Variants in AKT3 observed in about 807,000 individuals in gnomAD.
AKT3 encodes the protein AKT serine/threonine kinase 3, also known as RAC-gamma serine/threonine-protein kinase.
Under a neutral mutation model 65.3 loss-of-function variants are expected in AKT3, and 15 were observed. The observed-to-expected ratio is 0.23, with a 90% CI of 0.15 to 0.35. The LOEUF is 0.35. AKT3 is among the 10% of genes least tolerant of loss of function. AKT3 has a pLI of 1.00. For missense variants in AKT3, 243 were observed against 576.5 expected, an observed-to-expected ratio of 0.42 and a Z score of 5.92; for synonymous variants, 206 against 183.8, an observed-to-expected ratio of 1.12 and a Z score of -0.98.
intron 2 of AKT3, among the ~76,000 whole-genome samples, chr1:243,764,544 T>C (rs1450349181): frequency 6.6e-6 from 1 of 152,098 alleles, no homozygotes; most frequent in African/African-American, 2.4e-5. Flanking sequence ...CTAAAATTTA[T>C]TTCAGTTTCA....
chr1:243,534,917 A>C (rs1383823413), intron 12 of AKT3, among the ~76,000 whole-genome samples: 1 of 152,038 alleles, frequency 6.6e-6, no homozygotes, highest in African/African-American at 2.4e-5. Flanking sequence ...TTCAGGTTAC[A>C]AAACTAGAAA....
At chr1:243,700,357 C>G (rs1429238621) in intron 2 of AKT3, among the ~76,000 whole-genome samples, 1 of 152,120 alleles carries the variant, frequency 6.6e-6, no homozygotes, top group Non-Finnish European at 1.5e-5. Context: ...TGGACCTTTG[C>G]CACCTTTCTT....
chr1:243,686,809 G>A (rs1375570574), intron 3 of AKT3, among the ~76,000 whole-genome samples: 1 of 149,600 alleles, frequency 6.7e-6, no homozygotes, highest in East Asian at 2.0e-4. Context: ...GACTATAGGT[G>A]TGCCCCACCA....
chr1:243,808,920 C>G (rs911918474), intron 2 of AKT3, among the ~76,000 whole-genome samples: 6 of 152,150 alleles, frequency 3.9e-5, no homozygotes, highest in African/African-American at 1.4e-4. Context: ...AATTTCACAT[C>G]CAGCCAAACT....
chr1:243,543,261 G>C lies in AKT3; in HGVS notation c.1251+2249C>G, dbSNP rs925170504. ...TGCTTCCTTACTGGTATACTGGTTG[G>C]GCTCTCAGAGCTTTCTCCAGGTGGG... On this transcript the variant is annotated intron_variant, in intron 12 of 13. Coordinates refer to ENST00000673466, the MANE Select transcript of AKT3 (RefSeq NM_005465.7). Among the ~76,000 whole-genome samples the C allele has an allele frequency of 8.5e-5, 13 of 152,072 alleles. 1 individual carries two copies.
At chr1:243,536,078 A>C (rs1243740875) in intron 12 of AKT3, among the ~76,000 whole-genome samples, 1 of 150,322 alleles carries the variant, frequency 6.7e-6, no homozygotes, top group East Asian at 1.9e-4. Flanking sequence ...GAATTATTTG[A>C]ATTTTTTCTT....
At chr1:243,801,219 A>G (rs906835576) in intron 2 of AKT3, among the ~76,000 whole-genome samples, 33 of 152,208 alleles carry the variant, frequency 2.2e-4, no homozygotes, top group African/African-American at 8.0e-4. Flanking sequence ...TTAAATAAAC[A>G]TTTCTTGAAT....
intron 8 of AKT3, among the ~76,000 whole-genome samples, chr1:243,579,081 C>T (rs900118185): frequency 6.6e-6 from 1 of 152,124 alleles, no homozygotes; most frequent in Non-Finnish European, 1.5e-5. Flanking sequence ...AGGGAACTAG[C>T]TTTTACCACT....
rs376918753 is a variant in AKT3, at chr1:243,645,857, T to C, written c.429+36A>G. 78 of 1,541,558 alleles carry C rather than the reference T, an allele frequency of 5.1e-5. No individual in the cohort carries two copies. The African/African-American group carries it at 1.0e-3, about 21-fold the overall frequency. On this transcript the variant is annotated intron_variant, in intron 5 of 13. Transcript: ENST00000673466. ...TTTTAATATGTTTCTTCCAGACAAA[T>C]GAATGCTGTGCTGGGAATAAGTTAT...
intron 3 of AKT3, among the ~76,000 whole-genome samples, chr1:243,683,193 T>C (rs2147981861): frequency 6.6e-6 from 1 of 152,264 alleles, no homozygotes; most frequent in African/African-American, 2.4e-5. Flanking sequence ...AGCATAATAC[T>C]TACCTCACAG....
intron 12 of AKT3, among the ~76,000 whole-genome samples, chr1:243,539,367 A>C (rs747839723): frequency 6.6e-6 from 1 of 152,192 alleles, no homozygotes; most frequent in Non-Finnish European, 1.5e-5. Flanking sequence ...TTACTATATT[A>C]TAAAAATACA....
At chr1:243,576,071 T>C (rs1674919763) in intron 8 of AKT3, among the ~76,000 whole-genome samples, 1 of 151,990 alleles carries the variant, frequency 6.6e-6, no homozygotes, top group African/African-American at 2.4e-5. Context: ...TTAGCATAAT[T>C]TGGATCCACA....
At chr1:243,516,105 T>C (rs2148373547) in intron 12 of AKT3, among the ~76,000 whole-genome samples, 1 of 152,346 alleles carries the variant, frequency 6.6e-6, no homozygotes, top group East Asian at 1.9e-4. Flanking sequence ...ATTCCTTAAA[T>C]GTTTGGTAGA....
chr1:243,628,659 T>G (rs189635025), intron 6 of AKT3, among the ~76,000 whole-genome samples: 1 of 152,182 alleles, frequency 6.6e-6, no homozygotes, highest in Non-Finnish European at 1.5e-5. Context: ...CCAGATCCTA[T>G]TGCCACATCC....
intron 2 of AKT3, among the ~76,000 whole-genome samples, chr1:243,836,120 A>G (rs974603026): frequency 5.9e-5 from 9 of 152,172 alleles, no homozygotes; most frequent in Non-Finnish European, 1.3e-4. Context: ...TAAAAAAGAC[A>G]CGACCCAAAC....
chr1:243,600,444 T>C (rs1676925675), intron 8 of AKT3, among the ~76,000 whole-genome samples: 1 of 152,150 alleles, frequency 6.6e-6, no homozygotes, highest in Non-Finnish European at 1.5e-5. Flanking sequence ...GAAGACAGTG[T>C]GGTATAGGTT....
chr1:243,499,786 C>T lies in AKT3; in HGVS notation c.*5463G>A, dbSNP rs758064710. 1.2e-6 allele frequency: 2 copies of T among 1,612,550 alleles called. No homozygotes were observed. The highest frequency in any genetic ancestry group is 4.5e-5 in the East Asian group (2 of 44,882). On this transcript the variant is annotated 3_prime_UTR_variant, in exon 14 of 14. Transcript: ENST00000673466. The stretch of plus-strand genomic sequence containing the variant: ...CAGCATGCCACAATCTGATTGCTGA[C>T]CTGGATGGAACAGAGTGAAATAAAT...
intron 2 of AKT3, among the ~76,000 whole-genome samples, chr1:243,696,310 G>A (rs372736500): frequency 2.0e-5 from 3 of 151,794 alleles, no homozygotes; most frequent in Non-Finnish European, 4.4e-5. Flanking sequence ...TCAACGATAC[G>A]CAAACTCACA....
chr1:243,615,201 A>G (rs769823552), intron 6 of AKT3, 40 bp from the exon 7 acceptor site: 8 of 1,398,514 alleles, frequency 5.7e-6, no homozygotes, highest in Non-Finnish European at 8.0e-6. Flanking sequence ...ATATGTTTTG[A>G]GCACTGATAA....
Sources: allele counts gnomAD v4.1 joint callset (sites outside exome capture counted in the v4.1 genomes callset), GRCh38; gene constraint gnomAD v4.1.1; transcripts MANE v1.5; gene names NCBI Gene and HGNC (gene_info 2026-07-23, HGNC 2026-07-21).